The following ZNF536 variants were observed in gnomAD, a reference collection of about 807,000 sequenced individuals.
ZNF536 encodes zinc finger protein 536.
ZNF536 carries 13 observed loss-of-function variants against 84.5 expected under a neutral mutation model. That is an observed-to-expected ratio of 0.15 (90% CI 0.10 to 0.24). The LOEUF (loss-of-function observed/expected upper bound fraction) is 0.24, where lower values mean the gene tolerates loss of function less well. Ranked by LOEUF, ZNF536 falls within the 10% of genes least tolerant of loss-of-function variation. The pLI, the probability that ZNF536 is intolerant of heterozygous loss-of-function variation, is 1.00. For missense variants in ZNF536, 1,536 were observed against 1,747.5 expected (o/e 0.88, Z 2.16); for synonymous variants, 811 against 742.5 (o/e 1.09, Z -1.50).
chr19:30,402,952 C>A (rs2050115272), intron 1 of ZNF536, among the ~76,000 whole-genome samples: 1 of 151,828 alleles, frequency 6.6e-6, no homozygotes, highest in South Asian at 2.1e-4. Flanking sequence ...AACCCAAAGC[C>A]TGACATGACA....
At chr19:30,449,155 C>T (rs535451912) in intron 2 of ZNF536, among the ~76,000 whole-genome samples, 1 of 152,296 alleles carries the variant, frequency 6.6e-6, no homozygotes, top group Admixed American at 6.5e-5. Flanking sequence ...TCCCCATCTT[C>T]CCCCTTTGTT....
chr19:30,642,082 G>A (rs1043471327), intron 1 of ZNF536, among the ~76,000 whole-genome samples: 15 of 152,288 alleles, frequency 9.8e-5, no homozygotes, highest in South Asian at 2.1e-4. Context: ...CTGATATGGC[G>A]TGGGTGTTGG....
At chr19:30,676,898 G>A (rs1013117708) in intron 1 of ZNF536, among the ~76,000 whole-genome samples, 3 of 152,146 alleles carry the variant, frequency 2.0e-5, no homozygotes, top group Non-Finnish European at 4.4e-5. Flanking sequence ...TGGAAATGGA[G>A]TCTTGCTATG....
At chr19:30,653,609 C>T (rs560051685) in intron 1 of ZNF536, among the ~76,000 whole-genome samples, 35 of 152,048 alleles carry the variant, frequency 2.3e-4, no homozygotes, top group Non-Finnish European at 4.7e-4. Flanking sequence ...AGGTGGGATC[C>T]GCTCCCTTAG....
intron 1 of ZNF536, among the ~76,000 whole-genome samples, chr19:30,253,140 GC>G (rs2024710384): frequency 6.6e-6 from 1 of 152,134 alleles, no homozygotes; most frequent in Non-Finnish European, 1.5e-5. Flanking sequence ...CCTCCTAACC[GC>G]AGGGAGACCC....
intron 2 of ZNF536, among the ~76,000 whole-genome samples, chr19:30,346,628 G>A (rs1002388533): frequency 6.6e-6 from 1 of 152,164 alleles, no homozygotes; most frequent in African/African-American, 2.4e-5. Flanking sequence ...AGTTTGCTAA[G>A]GATAATGGCT....
At chr19:30,325,662 C>G (rs940597952) in intron 2 of ZNF536, among the ~76,000 whole-genome samples, 1 of 152,186 alleles carries the variant, frequency 6.6e-6, no homozygotes, top group African/African-American at 2.4e-5. Context: ...GAGGGGAGCA[C>G]AGAACCTTAG....
Position 30,344,282 on chromosome 19 carries a change from T to TAC in ZNF536, c.-119-8072_-119-8071dup, listed in dbSNP as rs1273176503. 6.6e-4 allele frequency among the ~76,000 whole-genome samples: 30 copies of TAC among 45,582 alleles called. 2 individuals are homozygous for TAC. Among genetic ancestry groups the TAC allele is most frequent in the African/African-American group, 2.4e-3 (16 of 6,630 alleles). The allele number at this position is 45,582 out of a possible 152,430, so 29.9% of individuals were successfully genotyped here. A position where few individuals can be genotyped will look rare whatever the true frequency, so the allele number is the denominator to read the frequency against. On this transcript the variant is annotated intron_variant, in intron 2 of 5. Coordinates refer to the ZNF536 transcript ENST00000585628. The stretch of plus-strand genomic sequence containing the variant: ...GGTGAAACCCTGTCTCTACTAAAAA[T>TAC]ACACACACACACACAAATATATTGG...
At position 30,436,405 on chromosome 19, in the gene ZNF536, C is replaced by T. The variant is rs370074157; in HGVS notation, c.-2-7156C>T. ...AATAAACCACTCAGTATCCTGCCCA[C>T]CCCAGTAATGTTTGTGATGTAATTT... On this transcript the variant is annotated intron_variant, in intron 1 of 4. Coordinates refer to ENST00000355537, the MANE Select transcript of ZNF536 (RefSeq NM_014717.3). 71 of 717,116 alleles carry T rather than the reference C, an allele frequency of 9.9e-5. No individual in the cohort carries two copies. The East Asian group carries it at 6.1e-3, about 62-fold the overall frequency. 44.4% of individuals were successfully genotyped at this position (717,116 alleles called of 1,614,324 possible).
chr19:30,578,430 A>C (rs1474116910), intron 1 of ZNF536, among the ~76,000 whole-genome samples: 1 of 152,226 alleles, frequency 6.6e-6, no homozygotes, highest in East Asian at 1.9e-4. Context: ...GGCAAAGCAA[A>C]CATCCACAGG....
chr19:30,427,943 G>C (rs1367584703), intron 1 of ZNF536, among the ~76,000 whole-genome samples: 1 of 152,258 alleles, frequency 6.6e-6, no homozygotes, highest in Non-Finnish European at 1.5e-5. Context: ...CTATTGTTTT[G>C]ATTTGAGTCT....
intron 1 of ZNF536, among the ~76,000 whole-genome samples, chr19:30,657,956 C>A (rs1414897304): frequency 6.6e-6 from 1 of 152,100 alleles, no homozygotes; most frequent in African/African-American, 2.4e-5. Flanking sequence ...CTAGAAGGAA[C>A]TTCTGGAAAT....
chr19:30,459,727 T>G (rs1240529171), intron 2 of ZNF536, among the ~76,000 whole-genome samples: 1 of 152,096 alleles, frequency 6.6e-6, no homozygotes, highest in African/African-American at 2.4e-5. Flanking sequence ...TGGTAGCCAT[T>G]TGTCTATATC....
chr19:30,410,303 C>T (rs1600616642), intron 1 of ZNF536, among the ~76,000 whole-genome samples: 6 of 151,996 alleles, frequency 3.9e-5, no homozygotes, highest in African/African-American at 1.4e-4. Flanking sequence ...ACACATTGCA[C>T]ACATATTCAT....
chr19:30,539,837 TC>T (rs1202989028), intron 3 of ZNF536, among the ~76,000 whole-genome samples: 2 of 152,212 alleles, frequency 1.3e-5, no homozygotes, highest in Non-Finnish European at 2.9e-5. Flanking sequence ...GCTGCGGGAC[TC>T]CTGGCTGGGT....
At chr19:30,364,567 G>T (rs2048368267) in intron 3 of ZNF536, among the ~76,000 whole-genome samples, 1 of 152,280 alleles carries the variant, frequency 6.6e-6, no homozygotes, top group Non-Finnish European at 1.5e-5. Context: ...TGCAGAACTT[G>T]CTGTTGCCTT....
chr19:30,555,621 A>C (rs1419696488), intron 4 of ZNF536: 1 of 152,190 alleles, frequency 6.6e-6, no homozygotes, highest in Non-Finnish European at 1.5e-5. Flanking sequence ...TCAGTCTTTG[A>C]CCAAGAAACG....
chr19:30,459,160 T>C (rs2053013199), intron 2 of ZNF536, among the ~76,000 whole-genome samples: 1 of 152,134 alleles, frequency 6.6e-6, no homozygotes, highest in African/African-American at 2.4e-5. Context: ...TTCTACGCTA[T>C]ACAATACAAA....
intron 1 of ZNF536, among the ~76,000 whole-genome samples, chr19:30,651,924 A>G (rs1239637715): frequency 6.6e-6 from 1 of 152,246 alleles, no homozygotes; most frequent in Non-Finnish European, 1.5e-5. Flanking sequence ...TTTGAAACAG[A>G]AACAAAAATG....
Sources: allele counts gnomAD v4.1 joint callset (sites outside exome capture counted in the v4.1 genomes callset), GRCh38; gene constraint gnomAD v4.1.1; transcripts MANE v1.5; gene names NCBI Gene and HGNC (gene_info 2026-07-23, HGNC 2026-07-21).